Variants in SACS observed in about 807,000 individuals in gnomAD.
SACS encodes the protein sacsin.
A neutral mutation model predicts 348.0 loss-of-function variants in SACS; 197 were observed. The ratio of observed to expected loss-of-function variants is 0.57; its 90% confidence interval spans 0.50 to 0.64. The LOEUF is 0.64. Ranked by LOEUF, SACS falls within the 30% of genes least tolerant of loss-of-function variation. The pLI, the probability that SACS is intolerant of heterozygous loss-of-function variation, is 0.00. For synonymous variants in SACS, 1,985 were observed against 1,910.6 expected, an observed-to-expected ratio of 1.04 and a Z score of -1.02; for missense variants, 4,999 against 5,360.8, an observed-to-expected ratio of 0.93 and a Z score of 2.11.
chr13:23,403,126 C>T (rs539020743), intron 2 of SACS, among the ~76,000 whole-genome samples: 2 of 130,480 alleles, frequency 1.5e-5, no homozygotes, highest in East Asian at 2.2e-4. Context: ...TGCAGTGAGC[C>T]GAGACTACAC....
At position 23,334,097 on chromosome 13, in the gene SACS, T is replaced by C. The variant is rs1883670937; in HGVS notation, c.9779A>G (p.Asp3260Gly). The C allele has an allele frequency of 6.2e-7, 1 of 1,613,730 alleles. No individual in the cohort carries two copies. The highest frequency in any genetic ancestry group is 1.6e-4 in the Middle Eastern group (1 of 6,062). The change falls in exon 10 of 10, where the codon GAT becomes GGT. Residue 3260 changes from aspartate (D) to glycine (G), a missense_variant. This residue lies in a region of SACS where 734 missense variants were observed against 694.0 expected (regional missense o/e 1.06). Coordinates refer to ENST00000382292, the MANE Select transcript of SACS (RefSeq NM_014363.6). ...AAATGTTGGTTTTGTTTCTTCCTGA[T>C]CTTCTTTCACACTTACAGATTCACT... ...FISESVSVKE[D>G]QEETKPTFDI...
At chr13:23,391,706 C>T (rs1156834399) in intron 2 of SACS, among the ~76,000 whole-genome samples, 1 of 152,138 alleles carries the variant, frequency 6.6e-6, no homozygotes, top group Non-Finnish European at 1.5e-5. Context: ...CACATAAACC[C>T]ATGATTGATC....
chr13:23,345,768 G>A (rs1372139344), intron 9 of SACS, among the ~76,000 whole-genome samples: 1 of 152,074 alleles, frequency 6.6e-6, no homozygotes, highest in Admixed American at 6.5e-5. Flanking sequence ...ACTAATTTTA[G>A]TGTATCACCT....
chr13:23,424,398 G>A (rs1001016520), intron 1 of SACS, among the ~76,000 whole-genome samples: 1 of 152,142 alleles, frequency 6.6e-6, no homozygotes, highest in Non-Finnish European at 1.5e-5. Context: ...GGTGGCGCAT[G>A]CCTGTAATCC....
chr13:23,379,580 G>A (rs1871959453), intron 2 of SACS, among the ~76,000 whole-genome samples: 1 of 152,106 alleles, frequency 6.6e-6, no homozygotes, highest in South Asian at 2.1e-4. Flanking sequence ...CCTCTCCTAT[G>A]TGCCCTACTC....
chr13:23,432,787 C>T (rs1257266220), intron 1 of SACS, among the ~76,000 whole-genome samples: 2 of 152,110 alleles, frequency 1.3e-5, no homozygotes, highest in Non-Finnish European at 2.9e-5. Context: ...TTGGGAAGCA[C>T]GTGGATTCAA....
At chr13:23,365,076 T>C (rs999578251) in intron 6 of SACS, 90 bp downstream of exon 6, 12 of 861,978 alleles carry the variant, frequency 1.4e-5, no homozygotes, top group South Asian at 9.2e-5. Flanking sequence ...GTACAAATGA[T>C]AGACTGTTCA....
At chr13:23,393,824 G>A (rs936334805) in intron 2 of SACS, among the ~76,000 whole-genome samples, 1 of 151,932 alleles carries the variant, frequency 6.6e-6, no homozygotes, top group African/African-American at 2.4e-5. Context: ...GCAGTGGCAC[G>A]ATCTCGGCTC....
In SACS at chr13:23,356,964, A is replaced by C. The variant is rs192307841; in HGVS notation, c.605-957T>G. ...GGACAGTGGGGTCTAGGGAATGCTC[A>C]ACCCTGCTCCCAAGGCACAGAGTCG... On this transcript the variant is annotated intron_variant, in intron 7 of 9. Coordinates refer to ENST00000382292, the MANE Select transcript of SACS (RefSeq NM_014363.6). Among the ~76,000 whole-genome samples, 23 of 152,350 alleles carry C rather than the reference A, an allele frequency of 1.5e-4. No individual in the cohort carries two copies. In the East Asian group the frequency reaches 4.4e-3, roughly 29 times the overall value.
At chr13:23,375,293 A>G (rs930367254) in intron 2 of SACS, 24 bp from the exon 3 acceptor site, 10 of 1,413,318 alleles carry the variant, frequency 7.1e-6, no homozygotes, top group African/African-American at 5.9e-5. Flanking sequence ...AGGGACGCTC[A>G]GTCGGGCTGC....
intron 2 of SACS, among the ~76,000 whole-genome samples, chr13:23,400,438 TGA>T (rs1375209280): frequency 6.6e-6 from 1 of 152,212 alleles, no homozygotes; most frequent in East Asian, 1.9e-4. Flanking sequence ...TTTATTTTTT[TGA>T]GAAGGGGTCT....
chr13:23,368,738 G>A (rs1055769887), intron 4 of SACS, among the ~76,000 whole-genome samples: 2 of 152,106 alleles, frequency 1.3e-5, no homozygotes, highest in African/African-American at 4.8e-5. Context: ...TCGCTCTGTC[G>A]CCCAAGCTGA....
intron 2 of SACS, among the ~76,000 whole-genome samples, chr13:23,388,367 G>A (rs1371661771): frequency 2.7e-5 from 4 of 146,174 alleles, no homozygotes; most frequent in African/African-American, 1.0e-4. Context: ...CAAAAGATAT[G>A]GAACCAATCG....
At chr13:23,366,689 A>G (rs960885477) in intron 5 of SACS, among the ~76,000 whole-genome samples, 6 of 152,206 alleles carry the variant, frequency 3.9e-5, no homozygotes, top group African/African-American at 9.6e-5. Flanking sequence ...TAAAGATAAA[A>G]TCTAAGTCCC....
chr13:23,392,956 C>A (rs1172771611), intron 2 of SACS, among the ~76,000 whole-genome samples: 1 of 152,140 alleles, frequency 6.6e-6, no homozygotes, highest in African/African-American at 2.4e-5. Flanking sequence ...AGTCACCTCC[C>A]TCCCAGAAAA....
intron 2 of SACS, among the ~76,000 whole-genome samples, chr13:23,392,939 C>T (rs8000066): frequency 0.49 from 74,926 of 151,862 alleles, 19,312 homozygotes; most frequent in East Asian, 0.8. Flanking sequence ...GGACTGAGTT[C>T]ATGCATAGTC....
At chr13:23,367,257 T>TA (rs903493900) in intron 5 of SACS, among the ~76,000 whole-genome samples, 38 of 152,242 alleles carry the variant, frequency 2.5e-4, no homozygotes, top group African/African-American at 8.7e-4. Context: ...CACTGGTGCC[T>TA]ATGCTGAAAG....
At position 23,354,489 on chromosome 13, in the gene SACS, G is replaced by C. The variant is rs759871867; in HGVS notation, c.2093+30C>G. The C allele has an allele frequency of 1.3e-6, 2 of 1,596,434 alleles. 1 individual carries two copies. The highest frequency in any genetic ancestry group is 2.2e-5 in the South Asian group (2 of 90,604). ...GCAGGAGCAGGGGAACCCTAAGAGT[G>C]AACAGGAATGTTAGAAGGGGGACCC... On this transcript the variant is annotated intron_variant, in intron 8 of 9. Transcript: ENST00000382292.
At chr13:23,346,442 C>A (rs373248892) in intron 9 of SACS, among the ~76,000 whole-genome samples, 72 of 152,284 alleles carry the variant, frequency 4.7e-4, no homozygotes, top group African/African-American at 1.7e-3. Context: ...CCGAGCCTGG[C>A]CCCCTCTATG....
Sources: allele counts gnomAD v4.1 joint callset (sites outside exome capture counted in the v4.1 genomes callset), GRCh38; gene constraint gnomAD v4.1.1; regional missense constraint gnomAD v4.1.1; transcripts MANE v1.5; gene names NCBI Gene and HGNC (gene_info 2026-07-23, HGNC 2026-07-21).